ENDOD1: variants seen among roughly 807,000 people sequenced by gnomAD.
ENDOD1 encodes the protein endonuclease domain-containing 1 protein.
A neutral mutation model predicts 6.5 loss-of-function variants in ENDOD1; 9 were observed. The ratio of observed to expected loss-of-function variants is 1.39; its 90% CI spans 0.84 to 2.43. ENDOD1 has a LOEUF of 2.43. Ranked by LOEUF, ENDOD1 falls within the 30% of genes most tolerant of loss-of-function variation. The pLI is 0.00. For missense variants in ENDOD1, 648 were observed against 635.5 expected (o/e 1.02, Z -0.21); for synonymous variants, 255 against 255.2 (o/e 1.00, Z 0.01).
rs1395204996 is a variant in ENDOD1 at position 95,130,848 on chromosome 11, A to T, written c.*1269A>T. ...TTAAATCTTGCACTAAAAAATGGTA[A>T]CAAGAGGGACCAAACTTTGCTTCCC... On this transcript the variant is annotated 3_prime_UTR_variant, in exon 2 of 2. Transcript: ENST00000278505. The T allele has an allele frequency of 2.0e-5, 3 of 152,240 alleles. No homozygotes were observed. In the East Asian group the frequency reaches 5.8e-4, roughly 29 times the overall value. The allele number at this position is 152,240 out of a possible 1,614,324, so 9.4% of individuals were successfully genotyped here. A position where few individuals can be genotyped will look rare whatever the true frequency, so the allele number is the denominator to read the frequency against.
Position 95,128,759 on chromosome 11 carries a change from C to T in ENDOD1, c.683C>T (p.Pro228Leu). Reference sequence around the variant, plus strand: ...TGGCTGGCAGCCTGTTGTGCTGTCCCTGGAGGAGGCTGGGCCATGGGCTTT... The same window carrying T: ...TGGCTGGCAGCCTGTTGTGCTGTCCTTGGAGGAGGCTGGGCCATGGGCTTT... ...FVWLAACCAV[P>L]GGGWAMGFVK... The change falls in exon 2 of 2, where the codon CCT becomes CTT. Residue 228 changes from proline to leucine, a missense_variant. Pro to Leu is a moderately conservative substitution (Grantham distance 98, BLOSUM62 -3). Coordinates refer to ENST00000278505, the MANE Select transcript of ENDOD1 (RefSeq NM_015036.3). 1 of 1,614,154 alleles carries T rather than the reference C, an allele frequency of 6.2e-7. No homozygotes were observed. Among genetic ancestry groups the T allele is most frequent in the Non-Finnish European group, 8.5e-7 (1 of 1,180,038 alleles).
intron 1 of ENDOD1, among the ~76,000 whole-genome samples, chr11:95,097,702 C>G (rs1248391258): frequency 6.6e-6 from 1 of 152,148 alleles, no homozygotes; most frequent in Non-Finnish European, 1.5e-5. Context: ...TTTCAGTGAT[C>G]TGACAAGACA....
chr11:95,112,229 T>C (rs1565446759), intron 1 of ENDOD1, among the ~76,000 whole-genome samples: 1 of 152,244 alleles, frequency 6.6e-6, no homozygotes, highest in Non-Finnish European at 1.5e-5. Flanking sequence ...ACCATTTTTG[T>C]CTCTCATTTG....
intron 1 of ENDOD1, among the ~76,000 whole-genome samples, chr11:95,128,042 G>T: frequency 6.6e-6 from 1 of 152,198 alleles, no homozygotes; most frequent in East Asian, 1.9e-4. Context: ...TTATAGGCGT[G>T]AGCCACCGCA....
At chr11:95,102,785 G>A (rs1298584685) in intron 1 of ENDOD1, among the ~76,000 whole-genome samples, 1 of 152,234 alleles carries the variant, frequency 6.6e-6, no homozygotes, top group Non-Finnish European at 1.5e-5. Flanking sequence ...GTTAAGGGCT[G>A]TTAAGTCCCC....
At chr11:95,127,049 C>T (rs979425049) in intron 1 of ENDOD1, among the ~76,000 whole-genome samples, 16 of 152,066 alleles carry the variant, frequency 1.1e-4, no homozygotes, top group South Asian at 2.1e-4. Flanking sequence ...CGAAACCTTT[C>T]CCTGTTTTTT....
chr11:95,112,971 C>A (rs1437665880), intron 1 of ENDOD1, among the ~76,000 whole-genome samples: 2 of 151,006 alleles, frequency 1.3e-5, no homozygotes, highest in Non-Finnish European at 2.9e-5. Context: ...TAAGTTGGCA[C>A]GTGGTCCCGT....
intron 1 of ENDOD1, among the ~76,000 whole-genome samples, chr11:95,116,100 A>G (rs1426726468): frequency 6.6e-6 from 1 of 152,158 alleles, no homozygotes; most frequent in Non-Finnish European, 1.5e-5. Flanking sequence ...AGAATTCAGC[A>G]GTGAAGTCAT....
At chr11:95,124,006 A>T (rs1218216875) in intron 1 of ENDOD1, among the ~76,000 whole-genome samples, 1 of 152,188 alleles carries the variant, frequency 6.6e-6, no homozygotes, top group South Asian at 2.1e-4. Context: ...GAAATTGCAA[A>T]GTACTTAACT....
chr11:95,117,331 C>T (rs897209605), intron 1 of ENDOD1, among the ~76,000 whole-genome samples: 3 of 152,200 alleles, frequency 2.0e-5, no homozygotes, highest in Non-Finnish European at 2.9e-5. Flanking sequence ...ATTGCTTGAA[C>T]CTGGGAGGCA....
chr11:95,105,220 T>A (rs567690183), intron 1 of ENDOD1, among the ~76,000 whole-genome samples: 1 of 152,224 alleles, frequency 6.6e-6, no homozygotes, highest in African/African-American at 2.4e-5. Context: ...TGTTTCTTGG[T>A]ATCCATGAGG....
At chr11:95,116,441 CT>C (rs1327089148) in intron 1 of ENDOD1, among the ~76,000 whole-genome samples, 7 of 152,076 alleles carry the variant, frequency 4.6e-5, no homozygotes, top group African/African-American at 1.7e-4. Context: ...AAAAAATCAA[CT>C]TTTTGTTTCA....
At chr11:95,114,279 GCTAATTTTTT>G (rs1555112258) in intron 1 of ENDOD1, among the ~76,000 whole-genome samples, 2,092 of 151,704 alleles carry the variant, frequency 0.014, 52 homozygotes, top group African/African-American at 0.048. Context: ...ACCATGCCTA[GCTAATTTTTT>G]GTAGAGACGG....
At chr11:95,123,686 G>A (rs775544462) in intron 1 of ENDOD1, among the ~76,000 whole-genome samples, 14 of 151,978 alleles carry the variant, frequency 9.2e-5, no homozygotes, top group African/African-American at 1.7e-4. Flanking sequence ...TAGGAGAAAC[G>A]TTTTAAGCCT....
intron 1 of ENDOD1, among the ~76,000 whole-genome samples, chr11:95,093,472 C>T (rs1858951001): frequency 6.6e-6 from 1 of 152,194 alleles, no homozygotes; most frequent in Non-Finnish European, 1.5e-5. Flanking sequence ...ACTGTATCCA[C>T]CTCCCAAGTT....
In ENDOD1 at chr11:95,128,456, A is replaced by G; in HGVS notation, c.380A>G (p.Lys127Arg). ...ACCTCTGTGAACAGCCTGGGAAGCA[A>G]GCAAGCCTTGAATACAGATTACCTT... ...AITSVNSLGSKQALNTDYLDS... is the reference protein window; with the variant it reads ...AITSVNSLGSRQALNTDYLDS... The change falls in exon 2 of 2, where the codon AAG becomes AGG. Residue 127 changes from lysine to arginine, a missense_variant. Coordinates refer to ENST00000278505, the MANE Select transcript of ENDOD1 (RefSeq NM_015036.3). 1 of 1,614,230 alleles carries G rather than the reference A, an allele frequency of 6.2e-7. No individual in the cohort carries two copies. Among genetic ancestry groups the G allele is most frequent in the East Asian group, 2.2e-5 (1 of 44,878 alleles).
At chr11:95,111,860 C>T (rs1206474336) in intron 1 of ENDOD1, among the ~76,000 whole-genome samples, 1 of 152,116 alleles carries the variant, frequency 6.6e-6, no homozygotes, top group Non-Finnish European at 1.5e-5. Flanking sequence ...CTCAAGTAGC[C>T]CCAGCCTCCC....
At chr11:95,109,316 G>C (rs1166928224) in intron 1 of ENDOD1, among the ~76,000 whole-genome samples, 2 of 152,192 alleles carry the variant, frequency 1.3e-5, no homozygotes, top group Non-Finnish European at 2.9e-5. Flanking sequence ...ATGGTCTGTT[G>C]TCAGGACCAC....
intron 1 of ENDOD1, among the ~76,000 whole-genome samples, chr11:95,124,944 C>CCTACACATGCCATGCACG (rs1859297208): frequency 9.2e-5 from 14 of 152,180 alleles, no homozygotes; most frequent in Admixed American, 9.2e-4. Context: ...CACTTGGTCT[C>CCTACACATGCCATGCACG]TTACACATGC....
Sources: allele counts gnomAD v4.1 joint callset (sites outside exome capture counted in the v4.1 genomes callset), GRCh38; gene constraint gnomAD v4.1.1; transcripts MANE v1.5; gene names NCBI Gene and HGNC (gene_info 2026-07-23, HGNC 2026-07-21).